Variants in ETV3 observed in about 807,000 individuals in gnomAD.
ETV3 encodes the protein ETS variant transcription factor 3, also known as ETS translocation variant 3.
A neutral mutation model predicts 33.0 loss-of-function variants in ETV3; 8 were observed. The ratio of observed to expected loss-of-function variants is 0.24; its 90% CI spans 0.14 to 0.44. The LOEUF (loss-of-function observed/expected upper bound fraction) is 0.44. Among genes scored for constraint, ETV3 ranks in the 20% least tolerant of loss-of-function variants. The probability of loss-of-function intolerance (pLI) is 1.00; values close to 1 mark genes in which losing one functional copy is unlikely to be tolerated. For synonymous variants in ETV3, 222 were observed against 238.9 expected, an observed-to-expected ratio of 0.93 and a Z score of 0.65; for missense variants, 473 against 652.3, an observed-to-expected ratio of 0.73 and a Z score of 2.99.
Position 157,136,360 on chromosome 1 carries a change from C to T in ETV3, c.-8G>A, listed in dbSNP as rs2231852. 1,727 of 1,607,678 alleles carry T rather than the reference C, an allele frequency of 1.1e-3. 15 individuals are homozygous for T. The African/African-American group carries it at 0.02, about 19-fold the overall frequency. On this transcript the variant is annotated 5_prime_UTR_variant, in exon 2 of 5. Transcript: ENST00000368192. ...GCTACAGCCGGCTTTCATTTTCACC[C>T]GCCTGCTGAGAGACACAAGCCACAC...
chr1:157,134,282 T>C (rs922670247), intron 3 of ETV3, 55 bp from the exon 4 acceptor site: 1 of 1,574,158 alleles, frequency 6.4e-7, no homozygotes, highest in African/African-American at 1.4e-5. Flanking sequence ...CAGCTTTCAA[T>C]ACACTTAGGT....
chr1:157,135,414 A>G, intron 3 of ETV3, 57 bp downstream of exon 3: 3 of 1,591,780 alleles, frequency 1.9e-6, no homozygotes, highest in South Asian at 1.1e-5. Flanking sequence ...AGCATTCACC[A>G]AACAGCTTAG....
intron 3 of ETV3, chr1:157,135,194 A>G (rs1571702475): frequency 7.2e-6 from 4 of 554,322 alleles, no homozygotes; most frequent in Non-Finnish European, 1.3e-5. Context: ...TTCACCATAT[A>G]CTCTCGCCCA....
At position 157,134,102 on chromosome 1, in the gene ETV3, T is replaced by G. The variant is rs775501800; in HGVS notation, c.400+10A>C. The G allele has an allele frequency of 2.7e-5, 43 of 1,609,306 alleles. No individual in the cohort carries two copies. Among genetic ancestry groups the G allele is most frequent in the African/African-American group, 4.0e-5 (3 of 74,640 alleles). On this transcript the variant is annotated intron_variant, in intron 4 of 4. Transcript: ENST00000368192. Reference sequence around the variant, plus strand: ...AAATTAATTCCCTACCAAAAGAGTTTGTATCTTACCACTTGACCGAATGTT... The same window carrying G: ...AAATTAATTCCCTACCAAAAGAGTTGGTATCTTACCACTTGACCGAATGTT...
chr1:157,128,846 C>T (rs1271613193), intron 4 of ETV3, among the ~76,000 whole-genome samples: 2 of 152,172 alleles, frequency 1.3e-5, no homozygotes, highest in African/African-American at 4.8e-5. Flanking sequence ...ATATGTTTGG[C>T]TTTTGGAATT....
chr1:157,134,607 G>A (rs1473937665), intron 3 of ETV3, among the ~76,000 whole-genome samples: 2 of 152,200 alleles, frequency 1.3e-5, no homozygotes, highest in Non-Finnish European at 2.9e-5. Context: ...GGTGGGGGCA[G>A]ACAAATCACT....
intron 4 of ETV3, among the ~76,000 whole-genome samples, chr1:157,132,744 C>T (rs988350258): frequency 7.3e-6 from 1 of 137,674 alleles, no homozygotes; most frequent in African/African-American, 2.8e-5. Flanking sequence ...CATTCCAATA[C>T]CACTTTTTTT....
chr1:157,126,095 G>T, intron 4 of ETV3, 116 bp from the exon 5 acceptor site: 1 of 952,248 alleles, frequency 1.1e-6, no homozygotes, highest in Non-Finnish European at 1.5e-6. Context: ...ATTCCAACTG[G>T]ACTGAATCCC....
At position 157,123,459 on chromosome 1, in the gene ETV3, G is replaced by C. The variant is rs534473110; in HGVS notation, c.*1382C>G. ...TGAACATGAGAATCAGAACAATCTG[G>C]GCAAATGGGTATGGCAAGAATGGGA... On this transcript the variant is annotated 3_prime_UTR_variant, in exon 5 of 5. Coordinates refer to ENST00000368192, the MANE Select transcript of ETV3 (RefSeq NM_001145312.3). 5 of 152,322 alleles carry C rather than the reference G, an allele frequency of 3.3e-5. No homozygotes were observed. The highest frequency in any genetic ancestry group is 1.2e-4 in the African/African-American group (5 of 41,556). The allele number at this position is 152,322 out of a possible 1,614,324, so 9.4% of individuals were successfully genotyped here.
In ETV3 at chr1:157,133,894, C is replaced by G. The variant is rs1041116552; in HGVS notation, c.400+218G>C. On this transcript the variant is annotated intron_variant, in intron 4 of 4. Transcript: ENST00000368192. ...TACAAACAATATGCAGAAAAGGGAA[C>G]CAACCAAATAAACCAAAGAAATCTA... 1.3e-5 allele frequency: 18 copies of G among 1,377,862 alleles called. No individual in the cohort carries two copies. The African/African-American group carries it at 2.7e-4, about 20-fold the overall frequency. 85.4% of individuals were successfully genotyped at this position (1,377,862 alleles called of 1,614,324 possible).
intron 1 of ETV3, among the ~76,000 whole-genome samples, chr1:157,137,077 A>G (rs1051351313): frequency 6.6e-5 from 10 of 152,214 alleles, no homozygotes; most frequent in Admixed American, 2.6e-4. Context: ...GCATTTCTGA[A>G]GCCCTTCTGG....
At chr1:157,134,306 A>G (rs2103206662) in intron 3 of ETV3, 79 bp from the exon 4 acceptor site, 2 of 1,533,272 alleles carry the variant, frequency 1.3e-6, no homozygotes, top group East Asian at 4.6e-5. Context: ...CACTGAGACC[A>G]ACAATTCTTG....
At chr1:157,135,254 G>GAATCCCCTCCTACGTATA in intron 3 of ETV3, 2 of 626,566 alleles carry the variant, frequency 3.2e-6, no homozygotes, top group Non-Finnish European at 5.5e-6. Context: ...AGCCACATTG[G>GAATCCCCTCCTACGTATA]AATCCCCTCC....
intron 2 of ETV3, 123 bp from the exon 3 acceptor site, chr1:157,135,831 T>C: frequency 1.0e-6 from 1 of 978,454 alleles, no homozygotes; most frequent in Non-Finnish European, 1.5e-6. Flanking sequence ...GTAAGTACTC[T>C]CAGTCAGCTG....
At position 157,125,648 on chromosome 1, in the gene ETV3, G is replaced by C. The variant is rs1019535310; in HGVS notation, c.732C>G (p.His244Gln). 1.0e-5 allele frequency: 16 copies of C among 1,551,602 alleles called. No individual in the cohort carries two copies. The Admixed American group carries it at 1.2e-4, about 11-fold the overall frequency. The change falls in exon 5 of 5, where the codon CAC (histidine) becomes CAG (glutamine). Residue 244 changes from histidine to glutamine, a missense_variant. By Grantham distance (24) the His-to-Gln change is conservative (BLOSUM62 0). Around this residue, in one of 3 missense-constraint regions of ETV3, gnomAD observed 410 missense variants for 520.2 expected, o/e 0.79. Transcript: ENST00000368192. This position sits in a 1 kb window ranked among gnomAD's most constrained non-coding sequence, Gnocchi z 4.0. ...FARPGMYPDP[H>Q]SPFAVSPIPG... ...GGATTGGAGAGACAGCGAAGGGACT[G>C]TGGGGGTCAGGGTACATCCCTGGCC... is the stretch of plus-strand genomic sequence containing the variant.
rs1484783063 is a variant in ETV3, at chr1:157,124,088, C to T, written c.*753G>A. ...GTAGGTGAAAAGTCTGAGAAGCTCA[C>T]AGCAGGGTTTGCCGTCCCAACTATG... On this transcript the variant is annotated 3_prime_UTR_variant, in exon 5 of 5. Coordinates refer to ENST00000368192, the MANE Select transcript of ETV3 (RefSeq NM_001145312.3). The T allele has an allele frequency of 6.6e-6, 1 of 152,112 alleles. No homozygotes were observed. The highest frequency in any genetic ancestry group is 1.5e-5 in the Non-Finnish European group (1 of 68,022). The allele number at this position is 152,112 out of a possible 1,614,324, so 9.4% of individuals were successfully genotyped here. A position where few individuals can be genotyped will look rare whatever the true frequency, so the allele number is the denominator to read the frequency against.
At position 157,135,605 on chromosome 1, in the gene ETV3, G is replaced by T; in HGVS notation, c.150C>A (p.Phe50Leu). The stretch of plus-strand genomic sequence containing the variant: ...CCTGCTGCCAGGCGATGACATGGCG[G>T]AACTCTTCCTTCTGCAGCAGCTCCA... ...FILELLQKEE[F>L]RHVIAWQQGE... The change falls in exon 3 of 5, where the codon TTC becomes TTA. Residue 50 changes from phenylalanine to leucine, a missense_variant. By Grantham distance (22) the Phe-to-Leu change is conservative. This residue lies in a region of ETV3 where 30 missense variants were observed against 94.9 expected (regional missense o/e 0.32). Transcript: ENST00000368192. The T allele has an allele frequency of 6.2e-7, 1 of 1,614,166 alleles. No individual in the cohort carries two copies. The highest frequency in any genetic ancestry group is 8.5e-7 in the Non-Finnish European group (1 of 1,180,010).
At chr1:157,130,214 C>T (rs1162763910) in intron 4 of ETV3, among the ~76,000 whole-genome samples, 2 of 152,016 alleles carry the variant, frequency 1.3e-5, no homozygotes, top group East Asian at 3.9e-4. Context: ...TTAAGGTATA[C>T]TGTAAAGGAG....
chr1:157,135,973 C>T (rs1023339123), intron 2 of ETV3, among the ~76,000 whole-genome samples: 5 of 152,192 alleles, frequency 3.3e-5, no homozygotes, highest in Non-Finnish European at 7.3e-5. Flanking sequence ...ACTAAATACA[C>T]CTACTTTCTG....
Sources: allele counts gnomAD v4.1 joint callset (sites outside exome capture counted in the v4.1 genomes callset), GRCh38; gene constraint gnomAD v4.1.1; regional missense constraint gnomAD v4.1.1; non-coding constraint Gnocchi (gnomAD v3.1); transcripts MANE v1.5; gene names NCBI Gene and HGNC (gene_info 2026-07-23, HGNC 2026-07-21).